The following DMD variants were observed in gnomAD, a reference collection of about 807,000 sequenced individuals.
The protein encoded by DMD is mutant dystrophin.
In DMD, 63 loss-of-function variants were observed where a neutral mutation model predicts 330.1. The observed-to-expected ratio is 0.19, with a 90% CI of 0.16 to 0.24. The LOEUF (loss-of-function observed/expected upper bound fraction) is 0.24, where lower values mean the gene tolerates loss of function less well. Ranked by LOEUF, DMD falls within the 10% of genes least tolerant of loss-of-function variation. DMD has a pLI of 1.00. For synonymous variants in DMD, 1,223 were observed against 959.8 expected (o/e 1.27, Z -5.07); for missense variants, 3,344 against 2,684.1 (o/e 1.25, Z -5.43).
chrX:32,402,391 CA>C (rs1569561258), intron 30 of DMD, among the ~76,000 whole-genome samples: 1 of 111,172 alleles, frequency 9.0e-6, no homozygotes, highest in Non-Finnish European at 1.9e-5. Context: ...AGTCAATGAA[CA>C]ATAGGAAATT....
intron 55 of DMD, among the ~76,000 whole-genome samples, chrX:31,570,709 G>A (rs1476683447): frequency 1.8e-5 from 2 of 109,562 alleles, no homozygotes; most frequent in Non-Finnish European, 3.8e-5. Flanking sequence ...TAATTTATTT[G>A]TAGATGACAA....
intron 45 of DMD, among the ~76,000 whole-genome samples, chrX:31,967,869 C>T (rs951121918): frequency 8.9e-6 from 1 of 111,806 alleles, no homozygotes; most frequent in Non-Finnish European, 1.9e-5. Context: ...TCAAGTTCCC[C>T]TTCAAGAATG....
At chrX:32,350,473 G>A (rs912066852) in intron 37 of DMD, among the ~76,000 whole-genome samples, 9 of 111,111 alleles carry the variant, frequency 8.1e-5, no homozygotes, top group Non-Finnish European at 1.1e-4. Context: ...GGCGTAAAAC[G>A]TAAGTCATGC....
chrX:32,702,362 G>A (rs1280868863), intron 7 of DMD, among the ~76,000 whole-genome samples: 1 of 111,552 alleles, frequency 9.0e-6, no homozygotes, highest in East Asian at 2.8e-4. Flanking sequence ...TGGAAATGAG[G>A]GAATGGGGAA....
At chrX:33,196,918 A>T (rs1603410383) in intron 1 of DMD, among the ~76,000 whole-genome samples, 1 of 111,388 alleles carries the variant, frequency 9.0e-6, no homozygotes, top group Non-Finnish European at 1.9e-5. Flanking sequence ...TTGTCAAGTT[A>T]CCATGCCCGT....
intron 2 of DMD, among the ~76,000 whole-genome samples, chrX:32,981,421 T>C (rs2092705297): frequency 9.0e-6 from 1 of 111,634 alleles, no homozygotes; most frequent in South Asian, 3.7e-4. Flanking sequence ...TTCATAGCAA[T>C]AGCCATATTA....
chrX:32,695,122 A>C (rs1234163326), intron 9 of DMD, among the ~76,000 whole-genome samples: 10 of 112,444 alleles, frequency 8.9e-5, no homozygotes, highest in Non-Finnish European at 3.7e-5. Flanking sequence ...GCGCTAAATA[A>C]TCAAATGTAT....
intron 50 of DMD, among the ~76,000 whole-genome samples, chrX:31,790,470 ATGAG>A (rs1325381048): frequency 8.9e-6 from 1 of 112,026 alleles, no homozygotes; most frequent in African/African-American, 3.2e-5. Flanking sequence ...TATGATAAAA[ATGAG>A]TAAGTAAATT....
chrX:31,881,876 A>T (rs7877173), intron 47 of DMD, among the ~76,000 whole-genome samples: 1,442 of 112,168 alleles, frequency 0.013, 12 homozygotes, highest in African/African-American at 0.041. Flanking sequence ...ATGACTATAT[A>T]TGTTGCTAGT....
In DMD at chrX:32,812,324, A is replaced by G. The variant is rs148276811; in HGVS notation, c.531-2713T>C. 1.9e-3 allele frequency among the ~76,000 whole-genome samples: 214 copies of G among 112,306 alleles called. 1 individual carries two copies. The East Asian group carries it at 0.038, about 20-fold the overall frequency. ...AAGTTACAAAGGTAGTTTAGCTGTT[A>G]TTTTTCTAAAACTGTAATTCAAAAT... On this transcript the variant is annotated intron_variant, in intron 6 of 78. Coordinates refer to ENST00000357033, the MANE Select transcript of DMD (RefSeq NM_004006.3).
chrX:32,481,146 G>A (rs922474882), intron 21 of DMD, among the ~76,000 whole-genome samples: 2 of 110,163 alleles, frequency 1.8e-5, no homozygotes. Context: ...ATCCTTGCTG[G>A]CTACCCTTAA....
At chrX:32,483,073 T>A (rs1281076465) in intron 21 of DMD, among the ~76,000 whole-genome samples, 1 of 101,324 alleles carries the variant, frequency 9.9e-6, no homozygotes, top group Non-Finnish European at 2.0e-5. Flanking sequence ...CATACACATG[T>A]GCAATTATTT....
At chrX:31,308,158 G>C (rs2055193789) in intron 62 of DMD, among the ~76,000 whole-genome samples, 1 of 111,954 alleles carries the variant, frequency 8.9e-6, no homozygotes, top group Non-Finnish European at 1.9e-5. Context: ...CCATGGTCCA[G>C]AGGTTAGGGA....
chrX:32,658,113 T>C lies in DMD; in HGVS notation c.961-12961A>G, dbSNP rs201566275. 1.4e-4 allele frequency among the ~76,000 whole-genome samples: 16 copies of C among 111,783 alleles called. No homozygotes were observed. The East Asian group carries it at 3.4e-3, about 24-fold the overall frequency. ...GCATATACAAATTAATTGTGAGCTA[T>C]GAGGAGAACCTAAACATAAATATTC... is the stretch of plus-strand genomic sequence containing the variant. On this transcript the variant is annotated intron_variant, in intron 9 of 78. Transcript: ENST00000357033.
chrX:32,068,382 T>A, intron 44 of DMD, among the ~76,000 whole-genome samples: 1 of 104,536 alleles, frequency 9.6e-6, no homozygotes, highest in South Asian at 4.2e-4. Flanking sequence ...TCATTTTTTT[T>A]TTTTTTTTTT....
chrX:31,894,580 T>C (rs936633547), intron 47 of DMD, among the ~76,000 whole-genome samples: 2 of 111,857 alleles, frequency 1.8e-5, no homozygotes, highest in Non-Finnish European at 3.8e-5. Flanking sequence ...ATAATATTTG[T>C]CAATGAAAGG....
chrX:32,429,793 C>A (rs913359067), intron 29 of DMD, among the ~76,000 whole-genome samples: 3 of 109,958 alleles, frequency 2.7e-5, no homozygotes, highest in Non-Finnish European at 3.8e-5. Flanking sequence ...AACTCCCCTC[C>A]ATATTGTTTT....
chrX:32,435,230 T>C (rs867847294), intron 29 of DMD, among the ~76,000 whole-genome samples: 2 of 83,438 alleles, frequency 2.4e-5, no homozygotes, highest in Non-Finnish European at 4.9e-5. Context: ...ATATGTATAT[T>C]TACATATTTT....
chrX:31,640,212 C>T (rs192046331), intron 54 of DMD, among the ~76,000 whole-genome samples: 3 of 112,060 alleles, frequency 2.7e-5, no homozygotes, highest in East Asian at 5.6e-4. Context: ...TCAAATCAGC[C>T]TGACAGTGCT....
Sources: gnomAD v4.1 joint callset for allele counts (sites outside exome capture counted in the v4.1 genomes callset) on GRCh38, gnomAD v4.1.1 for gene constraint, MANE v1.5 for transcripts, NCBI Gene and HGNC (gene_info 2026-07-23, HGNC 2026-07-21) for gene names.